AKAP19: variants seen among roughly 807,000 people sequenced by gnomAD.
AKAP19 encodes the protein small A-kinase anchoring protein.
chr2:190,047,327 C>G, the AKAP19 span, among the ~76,000 whole-genome samples: 1 of 152,264 alleles, frequency 6.6e-6, no homozygotes, highest in African/African-American at 2.4e-5. Context: ...TCTTACTTAT[C>G]CATCAAACTT....
At chr2:189,895,094 A>G in the AKAP19 span, among the ~76,000 whole-genome samples, 1 of 152,186 alleles carries the variant, frequency 6.6e-6, no homozygotes, top group South Asian at 2.1e-4. Flanking sequence ...AATTGGTTAC[A>G]ATTAATGAAG....
the AKAP19 span, among the ~76,000 whole-genome samples, chr2:190,099,514 G>T: frequency 4.9e-4 from 74 of 152,174 alleles, no homozygotes; most frequent in Non-Finnish European, 9.6e-4. Flanking sequence ...AAAAATCACT[G>T]ATCATAGATC....
the AKAP19 span, among the ~76,000 whole-genome samples, chr2:190,154,661 C>T: frequency 6.6e-6 from 1 of 152,208 alleles, no homozygotes; most frequent in South Asian, 2.1e-4. Context: ...GACAGGGCTA[C>T]ATTTTGCTTT....
chr2:190,114,225 T>C, the AKAP19 span, among the ~76,000 whole-genome samples: 1 of 152,238 alleles, frequency 6.6e-6, no homozygotes, highest in Non-Finnish European at 1.5e-5. Flanking sequence ...TTCATAAAGA[T>C]TGAATGGGTT....
At chr2:190,148,787 G>A in the AKAP19 span, among the ~76,000 whole-genome samples, 1 of 152,052 alleles carries the variant, frequency 6.6e-6, no homozygotes. Context: ...TCTAGTTTAT[G>A]TGTGTAAAGG....
chr2:190,098,133 T>A, the AKAP19 span, among the ~76,000 whole-genome samples: 1 of 152,312 alleles, frequency 6.6e-6, no homozygotes, highest in East Asian at 1.9e-4. Context: ...CTTAATGGCA[T>A]CTCGAATGGT....
At chr2:189,955,957 G>T in the AKAP19 span, among the ~76,000 whole-genome samples, 3 of 152,042 alleles carry the variant, frequency 2.0e-5, no homozygotes, top group Admixed American at 2.0e-4. Context: ...TTAGCCATTT[G>T]TTTTTTCTGG....
At chr2:190,068,117 G>C in the AKAP19 span, among the ~76,000 whole-genome samples, 3 of 152,198 alleles carry the variant, frequency 2.0e-5, no homozygotes, top group African/African-American at 7.2e-5. Context: ...TAGACTCAAA[G>C]ACTTGCTGTT....
At chr2:190,100,793 G>A in the AKAP19 span, among the ~76,000 whole-genome samples, 1 of 152,112 alleles carries the variant, frequency 6.6e-6, no homozygotes, top group Non-Finnish European at 1.5e-5. Flanking sequence ...ATTCAAGAAG[G>A]AAAATCAGAA....
chr2:190,178,101 TGAG>T, the AKAP19 span, among the ~76,000 whole-genome samples: 34 of 152,262 alleles, frequency 2.2e-4, no homozygotes, highest in Middle Eastern at 3.4e-3. This position sits in a 1 kb window ranked among gnomAD's most constrained non-coding sequence, Gnocchi z 6.3. Context: ...ACCACCAGTT[TGAG>T]GAGTTCTTGG....
the AKAP19 span, among the ~76,000 whole-genome samples, chr2:189,926,543 C>T: frequency 6.7e-6 from 1 of 150,144 alleles, no homozygotes; most frequent in African/African-American, 2.5e-5. Context: ...GCCTCGGCCT[C>T]CCAAAGTGCT....
At chr2:190,068,486 T>A in the AKAP19 span, among the ~76,000 whole-genome samples, 1 of 152,082 alleles carries the variant, frequency 6.6e-6, no homozygotes, top group Non-Finnish European at 1.5e-5. Context: ...TGTGCCACCA[T>A]GCCTGGCTAA....
the AKAP19 span, among the ~76,000 whole-genome samples, chr2:190,119,083 CAGAG>C: frequency 2.0e-5 from 3 of 152,316 alleles, no homozygotes; most frequent in South Asian, 4.1e-4. Context: ...AACAGACAAA[CAGAG>C]AGCCAAATCA....
chr2:190,048,432 G>T, the AKAP19 span, among the ~76,000 whole-genome samples: 1 of 152,098 alleles, frequency 6.6e-6, no homozygotes, highest in Non-Finnish European at 1.5e-5. Context: ...TTAGTTCAAT[G>T]ATGTATATCC....
At chr2:189,910,827 T>C in the AKAP19 span, among the ~76,000 whole-genome samples, 1 of 152,084 alleles carries the variant, frequency 6.6e-6, no homozygotes, top group Non-Finnish European at 1.5e-5. Context: ...ATAAGGACTA[T>C]TTTGTAACTT....
chr2:190,138,293 G>A, the AKAP19 span, among the ~76,000 whole-genome samples: 1 of 152,182 alleles, frequency 6.6e-6, no homozygotes, highest in Non-Finnish European at 1.5e-5. Flanking sequence ...GTAACTAGAG[G>A]TTATGCCAGA....
the AKAP19 span, among the ~76,000 whole-genome samples, chr2:190,063,420 A>G: frequency 7.2e-5 from 11 of 152,112 alleles, no homozygotes; most frequent in Admixed American, 7.2e-4. Context: ...TTCCTATTCT[A>G]AAGATGCAGA....
the AKAP19 span, among the ~76,000 whole-genome samples, chr2:190,081,474 T>TCCTAACCCGCATCTTA: frequency 6.6e-6 from 1 of 152,224 alleles, no homozygotes; most frequent in African/African-American, 2.4e-5. Context: ...AATTATTTAC[T>TCCTAACCCGCATCTTA]CCTAACCCGC....
chr2:190,192,102 T>G, the AKAP19 span, among the ~76,000 whole-genome samples: 1 of 152,216 alleles, frequency 6.6e-6, no homozygotes, highest in Non-Finnish European at 1.5e-5. Context: ...TTTAAAACTA[T>G]GATCCCTTTT....
Sources: gnomAD v4.1 joint callset for allele counts (sites outside exome capture counted in the v4.1 genomes callset) on GRCh38, gnomAD v4.1.1 for gene constraint, Gnocchi (gnomAD v3.1) non-coding constraint, MANE v1.5 for transcripts, NCBI Gene and HGNC (gene_info 2026-07-23, HGNC 2026-07-21) for gene names.